The following WWTR1 variants were observed in gnomAD, a reference collection of about 807,000 sequenced individuals.
WWTR1 encodes WW domain-containing transcription regulator protein 1.
Under a neutral mutation model 40.1 loss-of-function variants are expected in WWTR1, and 13 were observed. The ratio of observed to expected loss-of-function variants is 0.32; its 90% CI spans 0.21 to 0.52. WWTR1 has a LOEUF of 0.52. Ranked by LOEUF, WWTR1 falls within the 20% of genes least tolerant of loss-of-function variation. The probability of loss-of-function intolerance (pLI) is 0.97; values close to 1 mark genes in which losing one functional copy is unlikely to be tolerated. For missense variants in WWTR1, 436 were observed against 523.1 expected (o/e 0.83, Z 1.63); for synonymous variants, 230 against 210.1 (o/e 1.09, Z -0.82).
intron 2 of WWTR1, among the ~76,000 whole-genome samples, chr3:149,669,366 C>A (rs1424044815): frequency 6.6e-6 from 1 of 152,312 alleles, no homozygotes; most frequent in Non-Finnish European, 1.5e-5. Flanking sequence ...AGTCTGGGAA[C>A]AAGAGTGCTC....
intron 2 of WWTR1, among the ~76,000 whole-genome samples, chr3:149,638,880 G>A (rs1440925792): frequency 1.3e-5 from 2 of 152,162 alleles, no homozygotes; most frequent in Non-Finnish European, 2.9e-5. Context: ...TTCATCCAAA[G>A]CAGGCTTCAG....
chr3:149,570,701 T>C (rs954857010), intron 3 of WWTR1, among the ~76,000 whole-genome samples: 2 of 152,174 alleles, frequency 1.3e-5, no homozygotes, highest in African/African-American at 4.8e-5. Context: ...CTTCTTTAGA[T>C]ATACTTTACT....
At chr3:149,572,253 A>T (rs149408038) in intron 3 of WWTR1, among the ~76,000 whole-genome samples, 2 of 152,262 alleles carry the variant, frequency 1.3e-5, no homozygotes, top group East Asian at 3.9e-4. Flanking sequence ...GCATGGAAGC[A>T]CTTGGCATGC....
At chr3:149,644,607 G>A (rs9821774) in intron 2 of WWTR1, among the ~76,000 whole-genome samples, 88,312 of 152,040 alleles carry the variant, frequency 0.58, 26,122 homozygotes, top group Middle Eastern at 0.7. Flanking sequence ...ATCCATGTCT[G>A]TACTCTACCC....
chr3:149,695,375 G>C (rs921477748), intron 1 of WWTR1, among the ~76,000 whole-genome samples: 7 of 152,058 alleles, frequency 4.6e-5, no homozygotes, highest in African/African-American at 1.7e-4. Context: ...ACCCTGATGG[G>C]ATTATTGTTC....
chr3:149,581,175 T>G (rs1359016282), intron 2 of WWTR1, among the ~76,000 whole-genome samples: 1 of 152,186 alleles, frequency 6.6e-6, no homozygotes, highest in African/African-American at 2.4e-5. Context: ...TTTAAAACAC[T>G]ATTATTGGTT....
intron 1 of WWTR1, among the ~76,000 whole-genome samples, chr3:149,695,775 C>T (rs1236470469): frequency 8.5e-6 from 1 of 116,974 alleles, no homozygotes; most frequent in East Asian, 2.6e-4. Flanking sequence ...AAAAAAAAAA[C>T]AAGAAAAGAA....
At chr3:149,521,392 G>T (rs371405236) in intron 6 of WWTR1, among the ~76,000 whole-genome samples, 2 of 152,242 alleles carry the variant, frequency 1.3e-5, no homozygotes, top group East Asian at 3.9e-4. Flanking sequence ...CAAAGAGAAT[G>T]GTGTGAAGCT....
rs1376684329 is a variant in WWTR1, at chr3:149,656,876, T to C, written c.431A>G (p.Asn144Ser). 6.6e-7 allele frequency: 1 copy of C among 1,513,932 alleles called. No individual in the cohort carries two copies. Among genetic ancestry groups the C allele is most frequent in the Admixed American group, 2.2e-5 (1 of 45,468 alleles). 93.8% of individuals were successfully genotyped at this position (1,513,932 alleles called of 1,614,324 possible). ...FTATGQRYFL[N>S]HIEKITTWQD... ...CTTCTTCGGCTCCAGGCTGACTTAC[T>C]TGAGGAAGTACCTCTGGCCAGTGGC... The change falls in exon 2 of 7, where the codon AAT (asparagine) becomes AGT (serine). Residue 144 changes from asparagine (N) to serine (S), a missense_variant and splice_region_variant. Transcript: ENST00000360632.
At chr3:149,597,126 A>T (rs1012726020) in intron 2 of WWTR1, among the ~76,000 whole-genome samples, 1 of 152,218 alleles carries the variant, frequency 6.6e-6, no homozygotes, top group Non-Finnish European at 1.5e-5. Context: ...AGCTATTGTG[A>T]TTTGGCTTCA....
chr3:149,637,228 ATG>A lies in WWTR1; in HGVS notation c.431+19646_431+19647del, dbSNP rs578052471. Among the ~76,000 whole-genome samples the A allele has an allele frequency of 6.1e-3, 644 of 104,902 alleles. 2 individuals are homozygous for A. Among genetic ancestry groups the A allele is most frequent in the African/African-American group, 0.024 (602 of 24,842 alleles). 68.8% of individuals were successfully genotyped at this position (104,902 alleles called of 152,430 possible). A position where few individuals can be genotyped will look rare whatever the true frequency, so the allele number is the denominator to read the frequency against. On this transcript the variant is annotated intron_variant, in intron 2 of 6. Coordinates refer to ENST00000360632, the MANE Select transcript of WWTR1 (RefSeq NM_015472.6). ...TGATTATTTTAACAGCATATTGAGT[ATG>A]TTTTTTTTTTTTTGAGACAGAGTCT...
rs1039647357 is a variant in WWTR1, at chr3:149,569,464, C to T, written c.568+3400G>A. ...ATGAAATCAAAGCACAGACAAATAA[C>T]TTAAGGGTCACCAAACTAGTAACTA... is the stretch of plus-strand genomic sequence containing the variant. On this transcript the variant is annotated intron_variant, in intron 3 of 6. Coordinates refer to ENST00000360632, the MANE Select transcript of WWTR1 (RefSeq NM_015472.6). Among the ~76,000 whole-genome samples the T allele has an allele frequency of 5.9e-5, 9 of 152,156 alleles. No individual in the cohort carries two copies. In the Middle Eastern group the frequency reaches 0.01, roughly 173 times the overall value.
intron 3 of WWTR1, among the ~76,000 whole-genome samples, chr3:149,561,954 C>T (rs558234875): frequency 4.6e-5 from 7 of 152,036 alleles, no homozygotes; most frequent in Admixed American, 2.0e-4. Context: ...TTGCCATATG[C>T]GTGTGTTACT....
intron 1 of WWTR1, among the ~76,000 whole-genome samples, chr3:149,677,306 C>T (rs1714301579): frequency 6.6e-6 from 1 of 152,026 alleles, no homozygotes; most frequent in Non-Finnish European, 1.5e-5. Context: ...GCTTTCCTCC[C>T]AAATACATTT....
At position 149,544,236 on chromosome 3, in the gene WWTR1, T is replaced by C. The variant is rs528104130; in HGVS notation, c.569-1699A>G. On this transcript the variant is annotated intron_variant, in intron 3 of 6. Transcript: ENST00000360632. ...TATTTGAACGACATATATGTACATT[T>C]GAAAGACAATACCAACACTGAAGCT... Among the ~76,000 whole-genome samples the C allele has an allele frequency of 8.5e-5, 13 of 152,322 alleles. No homozygotes were observed. The East Asian group carries it at 2.1e-3, about 25-fold the overall frequency.
At chr3:149,534,851 G>A (rs1486560818) in intron 4 of WWTR1, among the ~76,000 whole-genome samples, 1 of 152,140 alleles carries the variant, frequency 6.6e-6, no homozygotes, top group African/African-American at 2.4e-5. Context: ...CTGGAGGACG[G>A]GTGATGTGTA....
At chr3:149,711,130 G>C (rs552743703) in intron 5 of WWTR1, among the ~76,000 whole-genome samples, 1 of 147,582 alleles carries the variant, frequency 6.8e-6, no homozygotes, top group Non-Finnish European at 1.5e-5. Context: ...GGGTGAAGAG[G>C]AGACAGAAGC....
At chr3:149,689,021 G>A (rs1331603265) in intron 1 of WWTR1, among the ~76,000 whole-genome samples, 1 of 152,196 alleles carries the variant, frequency 6.6e-6, no homozygotes, top group Non-Finnish European at 1.5e-5. Flanking sequence ...ATGCATCAGA[G>A]TCTCTCTACA....
chr3:149,587,678 G>A (rs1037891384), intron 2 of WWTR1, among the ~76,000 whole-genome samples: 2 of 152,170 alleles, frequency 1.3e-5, no homozygotes, highest in Non-Finnish European at 2.9e-5. Context: ...GAGGAAATAC[G>A]TGCGAATAAC....
Sources: gnomAD v4.1 joint callset for allele counts (sites outside exome capture counted in the v4.1 genomes callset) on GRCh38, gnomAD v4.1.1 for gene constraint, MANE v1.5 for transcripts, NCBI Gene and HGNC (gene_info 2026-07-23, HGNC 2026-07-21) for gene names.